ITGA8: variants seen among roughly 807,000 people sequenced by gnomAD.
ITGA8 encodes integrin subunit alpha 8, also known as integrin alpha-8.
Under a neutral mutation model 142.3 loss-of-function variants are expected in ITGA8, and 91 were observed. The observed-to-expected ratio is 0.64, with a 90% confidence interval of 0.54 to 0.76. The LOEUF is 0.76. ITGA8 is among the 30% of genes least tolerant of loss of function. ITGA8 has a pLI of 0.00. For synonymous variants in ITGA8, 505 were observed against 485.2 expected (o/e 1.04, Z -0.54); for missense variants, 1,406 against 1,327.7 (o/e 1.06, Z -0.92).
chr10:15,620,644 G>A (rs972772638), intron 13 of ITGA8, among the ~76,000 whole-genome samples: 13 of 152,236 alleles, frequency 8.5e-5, no homozygotes, highest in African/African-American at 2.7e-4. Context: ...GAAAGAGCCA[G>A]AAGTACTTAT....
rs5783448 is a variant in ITGA8, at chr10:15,514,276, TA to T, written c.*2881del. The T allele has an allele frequency of 0.52, 78,545 of 152,072 alleles. 24,305 individuals are homozygous for T. Among genetic ancestry groups the T allele is most frequent in the Middle Eastern group, 0.71 (209 of 296 alleles). 9.4% of individuals were successfully genotyped at this position (152,072 alleles called of 1,614,324 possible). A position where few individuals can be genotyped will look rare whatever the true frequency, so the allele number is the denominator to read the frequency against. Reference sequence around the variant, plus strand: ...CGGCAATGCTCTAACTAGAAGCAGATAACGCTCAGTGTGTTCTCTGTCGTCA... The same window carrying T: ...CGGCAATGCTCTAACTAGAAGCAGATACGCTCAGTGTGTTCTCTGTCGTCA... On this transcript the variant is annotated 3_prime_UTR_variant, in exon 30 of 30. Transcript: ENST00000378076.
intron 10 of ITGA8, among the ~76,000 whole-genome samples, chr10:15,658,258 C>G (rs539337239): frequency 2.0e-4 from 30 of 152,342 alleles, no homozygotes; most frequent in African/African-American, 7.0e-4. Flanking sequence ...GAAGTCTAAT[C>G]TGTCAGCTGC....
intron 20 of ITGA8, among the ~76,000 whole-genome samples, chr10:15,598,698 A>G (rs2131602539): frequency 6.6e-6 from 1 of 152,310 alleles, no homozygotes; most frequent in South Asian, 2.1e-4. Flanking sequence ...GTATGCAACC[A>G]AGTATAAAAC....
At chr10:15,673,114 C>T (rs534799061) in intron 6 of ITGA8, among the ~76,000 whole-genome samples, 7 of 152,210 alleles carry the variant, frequency 4.6e-5, no homozygotes, top group Non-Finnish European at 8.8e-5. Flanking sequence ...GACAGAGTCT[C>T]GCACTATTGC....
At chr10:15,585,700 C>G (rs1350894206) in intron 23 of ITGA8, among the ~76,000 whole-genome samples, 2 of 152,182 alleles carry the variant, frequency 1.3e-5, no homozygotes, top group Non-Finnish European at 2.9e-5. Context: ...TACACACAAC[C>G]CATTTCTGAT....
At chr10:15,652,597 C>A (rs1407099097) in intron 11 of ITGA8, among the ~76,000 whole-genome samples, 1 of 152,170 alleles carries the variant, frequency 6.6e-6, no homozygotes, top group Admixed American at 6.5e-5. Context: ...GCTTTGATTA[C>A]AATTACAGTC....
At chr10:15,626,303 C>A (rs898087247) in intron 13 of ITGA8, among the ~76,000 whole-genome samples, 1 of 152,094 alleles carries the variant, frequency 6.6e-6, no homozygotes, top group Non-Finnish European at 1.5e-5. Flanking sequence ...CTCACTGCAA[C>A]CTCTCCTCCC....
intron 2 of ITGA8, among the ~76,000 whole-genome samples, chr10:15,696,043 G>A (rs926433092): frequency 1.3e-5 from 2 of 152,194 alleles, no homozygotes; most frequent in African/African-American, 4.8e-5. Flanking sequence ...AATACTCAAT[G>A]TGCTTTCTGT....
chr10:15,529,118 G>C (rs1243037314), intron 28 of ITGA8, among the ~76,000 whole-genome samples: 6 of 150,998 alleles, frequency 4.0e-5, no homozygotes, highest in African/African-American at 1.5e-4. Context: ...CTTGAGACGA[G>C]GTCTCGCCCA....
At chr10:15,566,577 G>A (rs1213261210) in intron 25 of ITGA8, among the ~76,000 whole-genome samples, 3 of 151,970 alleles carry the variant, frequency 2.0e-5, no homozygotes, top group African/African-American at 2.4e-5. Context: ...TTGGGAGGTC[G>A]AGGTGGGTGA....
At chr10:15,686,458 G>A (rs9333085) in intron 3 of ITGA8, among the ~76,000 whole-genome samples, 16,473 of 152,168 alleles carry the variant, frequency 0.11, 944 homozygotes, top group East Asian at 0.19. Context: ...TTCATCAAAA[G>A]GCATTTCATG....
intron 2 of ITGA8, among the ~76,000 whole-genome samples, chr10:15,713,011 T>A (rs1039204998): frequency 6.6e-6 from 1 of 152,226 alleles, no homozygotes; most frequent in Non-Finnish European, 1.5e-5. Context: ...ATACAGCAGA[T>A]CTGTTTCCCA....
chr10:15,533,539 A>G (rs11813719), intron 27 of ITGA8, among the ~76,000 whole-genome samples: 30,102 of 152,122 alleles, frequency 0.2, 4,014 homozygotes, highest in African/African-American at 0.38. Context: ...TCTTGTGGGT[A>G]AGGATTATAA....
intron 23 of ITGA8, among the ~76,000 whole-genome samples, chr10:15,581,275 A>T (rs1264251654): frequency 6.6e-6 from 1 of 152,198 alleles, no homozygotes; most frequent in African/African-American, 2.4e-5. Context: ...CTGACCACTG[A>T]GGCTTGGGTG....
chr10:15,715,256 G>A (rs577494669), intron 2 of ITGA8, among the ~76,000 whole-genome samples: 3 of 151,958 alleles, frequency 2.0e-5, no homozygotes, highest in Admixed American at 2.0e-4. Context: ...CTTCTACAAT[G>A]CTTCCACCAA....
At chr10:15,694,314 CATATAT>C (rs1373825008) in intron 2 of ITGA8, among the ~76,000 whole-genome samples, 15 of 94,714 alleles carry the variant, frequency 1.6e-4, no homozygotes, top group African/African-American at 5.5e-4. Context: ...GATAATATAT[CATATAT>C]ATGATAATAT....
At chr10:15,539,481 C>A (rs1218232133) in intron 27 of ITGA8, among the ~76,000 whole-genome samples, 1 of 152,096 alleles carries the variant, frequency 6.6e-6, no homozygotes, top group African/African-American at 2.4e-5. Flanking sequence ...GGACCAGAAG[C>A]TGAGCCAGTA....
intron 8 of ITGA8, among the ~76,000 whole-genome samples, chr10:15,670,887 C>T (rs1458671092): frequency 1.3e-5 from 2 of 152,178 alleles, no homozygotes; most frequent in Non-Finnish European, 2.9e-5. Context: ...GGTCCTTCAA[C>T]ACCCGCATTT....
At chr10:15,604,578 C>CAAAAAAAA (rs35672275) in intron 19 of ITGA8, among the ~76,000 whole-genome samples, 2 of 86,366 alleles carry the variant, frequency 2.3e-5, no homozygotes, top group African/African-American at 8.7e-5. Context: ...AACCAGTTCT[C>CAAAAAAAA]AAAAAAAAAA....
Sources: allele counts gnomAD v4.1 joint callset (sites outside exome capture counted in the v4.1 genomes callset), GRCh38; gene constraint gnomAD v4.1.1; transcripts MANE v1.5; gene names NCBI Gene and HGNC (gene_info 2026-07-23, HGNC 2026-07-21).